The following LIMK2 variants were observed in gnomAD, a reference collection of about 807,000 sequenced individuals.
LIMK2 encodes the protein LIM domain kinase 2.
A neutral mutation model predicts 75.7 loss-of-function variants in LIMK2; 35 were observed. The ratio of observed to expected loss-of-function variants is 0.46; its 90% CI spans 0.35 to 0.61. The LOEUF (loss-of-function observed/expected upper bound fraction) is 0.61. LIMK2 is among the 20% of genes least tolerant of loss of function. LIMK2 has a pLI of 0.00. For synonymous variants in LIMK2, 301 were observed against 319.2 expected, an observed-to-expected ratio of 0.94 and a Z score of 0.61; for missense variants, 623 against 831.0, an observed-to-expected ratio of 0.75 and a Z score of 3.08.
In LIMK2 at chr22:31,258,697, G is replaced by C. The variant is rs972092811; in HGVS notation, c.252+271G>C. ...ATATAGTTGGATAAGGACCTCCAAG[G>C]AGAGTGTTACAGGCTGAGAGGAGGA... On this transcript the variant is annotated intron_variant, in intron 3 of 15. Coordinates refer to ENST00000331728, the MANE Select transcript of LIMK2 (RefSeq NM_005569.4). 2.0e-5 allele frequency: 9 copies of C among 458,886 alleles called. No individual in the cohort carries two copies. In the Admixed American group the frequency reaches 3.1e-4, roughly 16 times the overall value. The allele number at this position is 458,886 out of a possible 1,614,324, so 28.4% of individuals were successfully genotyped here.
Position 31,265,934 on chromosome 22 carries a change from C to G in LIMK2, c.855-12C>G, listed in dbSNP as rs377659722. On this transcript the variant is annotated splice_polypyrimidine_tract_variant and intron_variant, in intron 7 of 15. Transcript: ENST00000331728. ...ACTACACATCCCTACTCCCGTCTTT[C>G]CTCATCTTCAGGCGCAGTAACAGTA... 1.9e-6 allele frequency: 3 copies of G among 1,613,198 alleles called. No individual in the cohort carries two copies. The highest frequency in any genetic ancestry group is 2.5e-6 in the Non-Finnish European group (3 of 1,179,358).
At chr22:31,274,252 A>AC (rs1381772238) in intron 14 of LIMK2, among the ~76,000 whole-genome samples, 4 of 152,130 alleles carry the variant, frequency 2.6e-5, no homozygotes, top group Non-Finnish European at 5.9e-5. Flanking sequence ...TCTTGGAAAG[A>AC]TTCCTACCTT....
At chr22:31,256,621 T>C (rs1215904710) in intron 2 of LIMK2, among the ~76,000 whole-genome samples, 2 of 152,168 alleles carry the variant, frequency 1.3e-5, no homozygotes, top group Non-Finnish European at 2.9e-5. Context: ...ATTATAAGCA[T>C]AAGCCACTGT....
intron 1 of LIMK2, among the ~76,000 whole-genome samples, chr22:31,212,977 G>A (rs1339736308): frequency 6.6e-6 from 1 of 152,102 alleles, no homozygotes; most frequent in African/African-American, 2.4e-5. Flanking sequence ...CCCCGGGGCT[G>A]GGAGCTCTTT....
chr22:31,213,439 G>T (rs2123754956), intron 1 of LIMK2, among the ~76,000 whole-genome samples: 1 of 152,320 alleles, frequency 6.6e-6, no homozygotes, highest in South Asian at 2.1e-4. Flanking sequence ...GAGGGGGGCT[G>T]GCTATCTGCC....
intron 2 of LIMK2, among the ~76,000 whole-genome samples, chr22:31,240,853 C>A (rs2048618572): frequency 6.6e-6 from 1 of 152,166 alleles, no homozygotes; most frequent in South Asian, 2.1e-4. Context: ...TTAGCCAAGG[C>A]TTAACAAAAT....
intron 15 of LIMK2, 71 bp from the exon 16 acceptor site, chr22:31,278,226 A>G: frequency 2.2e-6 from 3 of 1,382,978 alleles, no homozygotes; most frequent in East Asian, 2.3e-5. Flanking sequence ...AGCTGAGCCT[A>G]GATCCCTTCC....
chr22:31,276,933 C>G (rs760218319), intron 15 of LIMK2: 60 of 1,613,584 alleles, frequency 3.7e-5, no homozygotes, highest in African/African-American at 9.3e-5. Context: ...TGGAGCAGCT[C>G]ACGCGCCTCT....
chr22:31,248,751 C>T (rs1011865735), intron 2 of LIMK2: 27 of 1,614,078 alleles, frequency 1.7e-5, no homozygotes, highest in African/African-American at 2.7e-5. Context: ...GCTTACTTCA[C>T]CTCCAGAGAC....
chr22:31,214,717 A>G (rs900631774), intron 1 of LIMK2, among the ~76,000 whole-genome samples: 1 of 152,192 alleles, frequency 6.6e-6, no homozygotes, highest in Non-Finnish European at 1.5e-5. Context: ...CAGAGGAAAC[A>G]GCATAAAAAG....
In LIMK2 at chr22:31,225,703, C is replaced by T. The variant is rs895787824; in HGVS notation, c.17-17C>T. On this transcript the variant is annotated splice_polypyrimidine_tract_variant and intron_variant, in intron 1 of 15. Coordinates refer to ENST00000331728, the MANE Select transcript of LIMK2 (RefSeq NM_005569.4). ...CCTGCTACTTTGGGCCTCTCAACCT[C>T]TTGGTTTTGTGTGCAGGTGAAGATG... is the stretch of plus-strand genomic sequence containing the variant. 2.2e-5 allele frequency: 35 copies of T among 1,609,984 alleles called. No homozygotes were observed. Among genetic ancestry groups the T allele is most frequent in the Non-Finnish European group, 2.6e-5 (31 of 1,176,998 alleles).
chr22:31,267,723 G>A, intron 9 of LIMK2, 53 bp from the exon 10 acceptor site: 9 of 1,552,572 alleles, frequency 5.8e-6, no homozygotes, highest in Non-Finnish European at 7.8e-6. Flanking sequence ...GAAGAGGTAA[G>A]GAAGACAGTG....
chr22:31,250,369 C>T (rs779821191), intron 2 of LIMK2, among the ~76,000 whole-genome samples: 20 of 152,268 alleles, frequency 1.3e-4, no homozygotes, highest in Middle Eastern at 3.4e-3. Flanking sequence ...GAGGACACAA[C>T]TTCTCAGGAA....
intron 9 of LIMK2, among the ~76,000 whole-genome samples, chr22:31,267,464 T>C (rs2048907444): frequency 6.6e-6 from 1 of 152,186 alleles, no homozygotes; most frequent in African/African-American, 2.4e-5. Flanking sequence ...CAGTTTTCAC[T>C]ACCCCTCCCA....
chr22:31,247,615 T>C (rs1263440542), intron 2 of LIMK2, among the ~76,000 whole-genome samples: 3 of 152,176 alleles, frequency 2.0e-5, no homozygotes, highest in Non-Finnish European at 4.4e-5. Context: ...GTGGGAGAGC[T>C]CCAGCTCTAG....
intron 2 of LIMK2, among the ~76,000 whole-genome samples, chr22:31,244,121 T>C (rs2123804945): frequency 6.6e-6 from 1 of 152,128 alleles, no homozygotes; most frequent in African/African-American, 2.4e-5. Context: ...GTAAGAGGAG[T>C]AGGGGGAGAG....
intron 1 of LIMK2, among the ~76,000 whole-genome samples, chr22:31,217,055 C>T (rs1302475350): frequency 2.6e-5 from 4 of 152,118 alleles, no homozygotes. Context: ...TTTATCATGT[C>T]TTTCTGCCTG....
chr22:31,273,573 T>A, intron 14 of LIMK2, 66 bp downstream of exon 14: 1 of 1,282,412 alleles, frequency 7.8e-7, no homozygotes, highest in East Asian at 2.3e-5. Flanking sequence ...CCCTCGGAAC[T>A]GGGGCATCTC....
chr22:31,258,202 T>G, intron 2 of LIMK2, 89 bp from the exon 3 acceptor site: 2 of 1,372,774 alleles, frequency 1.5e-6, no homozygotes, highest in Non-Finnish European at 2.0e-6. Flanking sequence ...GGACTGTCCA[T>G]TTTGTTGTCA....
Sources: gnomAD v4.1 joint callset for allele counts (sites outside exome capture counted in the v4.1 genomes callset) on GRCh38, gnomAD v4.1.1 for gene constraint, MANE v1.5 for transcripts, NCBI Gene and HGNC (gene_info 2026-07-23, HGNC 2026-07-21) for gene names.